FGF10: variants seen among roughly 807,000 people sequenced by gnomAD.
The protein encoded by FGF10 is FGF-10.
FGF10 carries 2 observed loss-of-function variants against 19.8 expected under a neutral mutation model. The ratio of observed to expected loss-of-function variants is 0.10; its 90% confidence interval spans 0.04 to 0.32. FGF10 has a LOEUF of 0.32. Ranked by LOEUF, FGF10 falls within the 10% of genes least tolerant of loss-of-function variation. The pLI, the probability that FGF10 is intolerant of heterozygous loss-of-function variation, is 1.00. For missense variants in FGF10, 191 were observed against 246.3 expected (o/e 0.78, Z 1.50); for synonymous variants, 112 against 94.0 (o/e 1.19, Z -1.10).
chr5:44,310,255 A>G (rs889008916), intron 2 of FGF10, among the ~76,000 whole-genome samples, 172 bp downstream of exon 2: 1 of 152,150 alleles, frequency 6.6e-6, no homozygotes, highest in Non-Finnish European at 1.5e-5. Context: ...AGGAGATTAC[A>G]GAATTGGAAG....
intron 1 of FGF10, among the ~76,000 whole-genome samples, chr5:44,366,416 G>A (rs1335649205): frequency 6.6e-6 from 1 of 151,896 alleles, no homozygotes; most frequent in Non-Finnish European, 1.5e-5. Flanking sequence ...GGAAAGCATT[G>A]CTTCTTAGTT....
intron 2 of FGF10, among the ~76,000 whole-genome samples, chr5:44,308,683 A>AC (rs1023764679): frequency 6.6e-6 from 1 of 152,022 alleles, no homozygotes; most frequent in Non-Finnish European, 1.5e-5. Context: ...AATTCCTCTG[A>AC]CCCCCATGCA....
chr5:44,378,586 C>T (rs1401439272), intron 1 of FGF10, among the ~76,000 whole-genome samples: 4 of 152,126 alleles, frequency 2.6e-5, no homozygotes, highest in South Asian at 2.1e-4. Context: ...CGCCCGCCAC[C>T]GCGCCCGGCT....
At chr5:44,381,348 A>G (rs1741978092) in intron 1 of FGF10, among the ~76,000 whole-genome samples, 1 of 152,244 alleles carries the variant, frequency 6.6e-6, no homozygotes, top group African/African-American at 2.4e-5. Flanking sequence ...TTTAGATGCT[A>G]CGCATCTGAA....
chr5:44,379,649 TCTCTTA>T (rs1170392088), intron 1 of FGF10, among the ~76,000 whole-genome samples: 3 of 152,198 alleles, frequency 2.0e-5, no homozygotes, highest in Non-Finnish European at 4.4e-5. Context: ...CTGTGGGACT[TCTCTTA>T]GATCATAGGT....
intron 1 of FGF10, among the ~76,000 whole-genome samples, chr5:44,364,729 A>G (rs746819222): frequency 1.3e-5 from 2 of 151,962 alleles, no homozygotes; most frequent in Non-Finnish European, 2.9e-5. Flanking sequence ...CGTTATGGTG[A>G]AAACTAAATA....
At chr5:44,326,899 G>A (rs1334858051) in intron 1 of FGF10, among the ~76,000 whole-genome samples, 2 of 152,152 alleles carry the variant, frequency 1.3e-5, no homozygotes, top group Non-Finnish European at 2.9e-5. Context: ...AGTGCTCGGT[G>A]TTCTTTCTGT....
At chr5:44,362,620 A>G (rs1474818688) in intron 1 of FGF10, among the ~76,000 whole-genome samples, 1 of 151,700 alleles carries the variant, frequency 6.6e-6, no homozygotes, top group Non-Finnish European at 1.5e-5. Flanking sequence ...AATGGATACT[A>G]TATGTTAGAG....
rs2111659798 is a variant in FGF10 at position 44,303,394 on chromosome 5, C to T, written c.*1601G>A. ...GAGTCTTTTTTTTTGTACCAAAATA[C>T]TGTGTCCAAACAATAAAATGCTTTT... is the stretch of plus-strand genomic sequence containing the variant. On this transcript the variant is annotated 3_prime_UTR_variant, in exon 3 of 3. Coordinates refer to ENST00000264664, the MANE Select transcript of FGF10 (RefSeq NM_004465.2). 2 of 152,080 alleles carry T rather than the reference C, an allele frequency of 1.3e-5. No individual in the cohort carries two copies. Among genetic ancestry groups the T allele is most frequent in the African/African-American group, 4.8e-5 (2 of 41,526 alleles). The allele number at this position is 152,080 out of a possible 1,614,324, so 9.4% of individuals were successfully genotyped here. A position where few individuals can be genotyped will look rare whatever the true frequency, so the allele number is the denominator to read the frequency against.
chr5:44,319,916 C>T (rs768459996), intron 1 of FGF10, among the ~76,000 whole-genome samples: 6 of 152,106 alleles, frequency 3.9e-5, no homozygotes, highest in Non-Finnish European at 5.9e-5. Context: ...AGGAAGTGGC[C>T]GGTGGTGAGT....
intron 1 of FGF10, among the ~76,000 whole-genome samples, chr5:44,325,079 G>A (rs1273059595): frequency 2.0e-5 from 3 of 152,092 alleles, no homozygotes; most frequent in Non-Finnish European, 2.9e-5. Flanking sequence ...AGTGGGCGAA[G>A]GATATGAGCA....
intron 1 of FGF10, among the ~76,000 whole-genome samples, chr5:44,319,876 C>T (rs549410928): frequency 1.3e-5 from 2 of 152,238 alleles, no homozygotes; most frequent in South Asian, 2.1e-4. Context: ...GGTACTGGTC[C>T]ATGGCCTGGT....
chr5:44,330,883 GA>G lies in FGF10; in HGVS notation c.326-20354del, dbSNP rs540813059. Among the ~76,000 whole-genome samples, 9 of 152,200 alleles carry G rather than the reference GA, an allele frequency of 5.9e-5. No homozygotes were observed. The South Asian group carries it at 1.9e-3, about 32-fold the overall frequency. The stretch of plus-strand genomic sequence containing the variant: ...TCATTGATCAGACGTCATTTTTTGT[GA>G]GATTATTGACTGTTTGCTTAAAATT... On this transcript the variant is annotated intron_variant, in intron 1 of 2. Coordinates refer to ENST00000264664, the MANE Select transcript of FGF10 (RefSeq NM_004465.2).
chr5:44,374,148 T>C (rs1212025096), intron 1 of FGF10, among the ~76,000 whole-genome samples: 1 of 152,194 alleles, frequency 6.6e-6, no homozygotes, highest in Non-Finnish European at 1.5e-5. Context: ...CCTTGGCTCA[T>C]GACTCCTTTG....
intron 1 of FGF10, among the ~76,000 whole-genome samples, chr5:44,311,960 T>C (rs993173192): frequency 2.6e-5 from 4 of 152,064 alleles, no homozygotes; most frequent in African/African-American, 9.7e-5. Flanking sequence ...ATGCTTGAGT[T>C]TCCCCTGTTG....
intron 1 of FGF10, among the ~76,000 whole-genome samples, chr5:44,387,224 A>T (rs761226527): frequency 3.5e-4 from 53 of 152,336 alleles, no homozygotes; most frequent in Middle Eastern, 3.4e-3. Flanking sequence ...AAGTCAACAG[A>T]GTAATCTGGG....
At chr5:44,350,731 T>C (rs894039764) in intron 1 of FGF10, among the ~76,000 whole-genome samples, 180 of 151,238 alleles carry the variant, frequency 1.2e-3, no homozygotes, top group African/African-American at 4.1e-3. Flanking sequence ...CTATCCATCA[T>C]TCATTTCATG....
intron 1 of FGF10, among the ~76,000 whole-genome samples, chr5:44,377,654 T>C (rs1741895997): frequency 6.6e-6 from 1 of 152,194 alleles, no homozygotes; most frequent in Non-Finnish European, 1.5e-5. Flanking sequence ...TCAAGTTACC[T>C]TCAGTTTTCA....
intron 1 of FGF10, among the ~76,000 whole-genome samples, chr5:44,325,198 C>T (rs902810671): frequency 2.2e-4 from 33 of 152,076 alleles, no homozygotes; most frequent in Non-Finnish European, 3.7e-4. Flanking sequence ...CCATCTCACA[C>T]GAGTTAGAAT....
Sources: gnomAD v4.1 joint callset for allele counts (sites outside exome capture counted in the v4.1 genomes callset) on GRCh38, gnomAD v4.1.1 for gene constraint, MANE v1.5 for transcripts, NCBI Gene and HGNC (gene_info 2026-07-23, HGNC 2026-07-21) for gene names.